SFSWAP: variants seen among roughly 807,000 people sequenced by gnomAD.
SFSWAP encodes splicing factor SWAP.
In SFSWAP, 17 loss-of-function variants were observed where a neutral mutation model predicts 100.7. The observed-to-expected ratio is 0.17, with a 90% CI of 0.12 to 0.25. The LOEUF (loss-of-function observed/expected upper bound fraction) is 0.25. Among genes scored for constraint, SFSWAP ranks in the 10% least tolerant of loss-of-function variants. The pLI is 1.00. For synonymous variants in SFSWAP, 504 were observed against 510.1 expected (o/e 0.99, Z 0.16); for missense variants, 1,005 against 1,262.6 (o/e 0.80, Z 3.09).
rs1324855015 is a variant in SFSWAP, at chr12:131,711,787, C to T, written c.218+340C>T. 3.8e-6 allele frequency: 1 copy of T among 266,620 alleles called. No individual in the cohort carries two copies. Among genetic ancestry groups the T allele is most frequent in the Non-Finnish European group, 7.3e-6 (1 of 136,622 alleles). The allele number at this position is 266,620 out of a possible 1,614,324, so 16.5% of individuals were successfully genotyped here. A position where few individuals can be genotyped will look rare whatever the true frequency, so the allele number is the denominator to read the frequency against. ...TGCCCAGGGTCTTTTCCTGAGTGCACCTGGGCCTGCCGCCCGGCGATGCCA... is the reference window on the plus strand; with the variant it reads ...TGCCCAGGGTCTTTTCCTGAGTGCATCTGGGCCTGCCGCCCGGCGATGCCA... On this transcript the variant is annotated intron_variant, in intron 1 of 17. Transcript: ENST00000261674. This position sits in a 1 kb window ranked among gnomAD's most constrained non-coding sequence, Gnocchi z 4.9.
chr12:131,740,018 G>A (rs1216654206), intron 7 of SFSWAP, among the ~76,000 whole-genome samples: 1 of 152,132 alleles, frequency 6.6e-6, no homozygotes, highest in Non-Finnish European at 1.5e-5. Context: ...GCCTGCCTTT[G>A]ACCTTTATGT....
intron 10 of SFSWAP, 37 bp from the exon 11 acceptor site, chr12:131,756,436 T>C: frequency 1.3e-6 from 2 of 1,595,548 alleles, no homozygotes; most frequent in South Asian, 2.2e-5. Context: ...TCTGTATAAT[T>C]TCCTGCTGAC....
At chr12:131,747,359 C>T (rs771804141) in intron 7 of SFSWAP, among the ~76,000 whole-genome samples, 15 of 152,152 alleles carry the variant, frequency 9.9e-5, no homozygotes, top group Non-Finnish European at 1.6e-4. Context: ...ATCATGGGGA[C>T]AGGGAGGCCT....
intron 15 of SFSWAP, among the ~76,000 whole-genome samples, chr12:131,791,732 A>T (rs2136277345): frequency 6.6e-6 from 1 of 152,290 alleles, no homozygotes; most frequent in African/African-American, 2.4e-5. Context: ...ACAGTGCAAG[A>T]CTCCGTCTCA....
chr12:131,729,748 T>G (rs1879327384), intron 7 of SFSWAP, among the ~76,000 whole-genome samples: 1 of 152,196 alleles, frequency 6.6e-6, no homozygotes, highest in Admixed American at 6.5e-5. Context: ...AACCACCTGC[T>G]GAGTCTGCTT....
intron 7 of SFSWAP, among the ~76,000 whole-genome samples, chr12:131,740,772 A>C (rs548964377): frequency 6.6e-6 from 1 of 152,018 alleles, no homozygotes; most frequent in Non-Finnish European, 1.5e-5. Context: ...GCTTTACAGC[A>C]GGGCCCCACA....
chr12:131,793,583 T>G (rs1397663117), intron 15 of SFSWAP, among the ~76,000 whole-genome samples: 1 of 152,064 alleles, frequency 6.6e-6, no homozygotes, highest in African/African-American at 2.4e-5. Flanking sequence ...ATGTAGAAAC[T>G]CCTCTGATAA....
chr12:131,729,471 T>A (rs1415999962), intron 7 of SFSWAP, among the ~76,000 whole-genome samples: 1 of 152,182 alleles, frequency 6.6e-6, no homozygotes, highest in Non-Finnish European at 1.5e-5. Flanking sequence ...ACTGCCACAC[T>A]CTAGCCTGGG....
At chr12:131,732,966 G>T (rs1445310877) in intron 7 of SFSWAP, among the ~76,000 whole-genome samples, 3 of 152,158 alleles carry the variant, frequency 2.0e-5, no homozygotes, top group Non-Finnish European at 4.4e-5. Flanking sequence ...AGTGTCCTTG[G>T]AGCACGTCAG....
At chr12:131,735,775 A>G (rs1879956518) in intron 7 of SFSWAP, among the ~76,000 whole-genome samples, 1 of 152,226 alleles carries the variant, frequency 6.6e-6, no homozygotes, top group African/African-American at 2.4e-5. Flanking sequence ...CAAGGACTTC[A>G]TGGTTACTTC....
At chr12:131,783,944 T>C (rs1286473730) in intron 14 of SFSWAP, 10 of 151,470 alleles carry the variant, frequency 6.6e-5, no homozygotes, top group African/African-American at 2.4e-4. Context: ...ACTGGGTTTC[T>C]ATTTTAGGTT....
At chr12:131,718,516 A>G (rs1878144729) in intron 3 of SFSWAP, among the ~76,000 whole-genome samples, 1 of 152,236 alleles carries the variant, frequency 6.6e-6, no homozygotes, top group Non-Finnish European at 1.5e-5. Context: ...TACGTTGTCT[A>G]CCACATAGTA....
chr12:131,751,072 G>A (rs114338133), intron 7 of SFSWAP, among the ~76,000 whole-genome samples: 9 of 151,938 alleles, frequency 5.9e-5, no homozygotes, highest in Admixed American at 2.0e-4. Flanking sequence ...TTAACACTTC[G>A]TTTTTATTTA....
rs984055517 is a variant in SFSWAP at position 131,770,120 on chromosome 12, C to T, written c.2142+3812C>T. On this transcript the variant is annotated intron_variant, in intron 13 of 17. Coordinates refer to ENST00000261674, the MANE Select transcript of SFSWAP (RefSeq NM_004592.4). Reference sequence around the variant, plus strand: ...AATTGCCATAAAGAAAATTCAAACTCGAAAATATTTTTAGCCTAAAACAAC... The same window carrying T: ...AATTGCCATAAAGAAAATTCAAACTTGAAAATATTTTTAGCCTAAAACAAC... 3.9e-5 allele frequency among the ~76,000 whole-genome samples: 6 copies of T among 152,308 alleles called. No individual in the cohort carries two copies. The South Asian group carries it at 8.3e-4, about 21-fold the overall frequency.
chr12:131,739,700 C>T (rs141418571), intron 7 of SFSWAP, among the ~76,000 whole-genome samples: 2,028 of 151,958 alleles, frequency 0.013, 41 homozygotes, highest in African/African-American at 0.045. Flanking sequence ...CGCCCGCCAC[C>T]ATGCCCGATT....
chr12:131,725,547 A>G lies in SFSWAP; in HGVS notation c.749A>G (p.Asn250Ser), dbSNP rs531380927. 2 of 1,613,808 alleles carry G rather than the reference A, an allele frequency of 1.2e-6. No homozygotes were observed. Among genetic ancestry groups the G allele is most frequent in the South Asian group, 2.2e-5 (2 of 91,052 alleles). ...FDFLRFDHYLNPYYKFIQKAM... is the reference protein window; with the variant it reads ...FDFLRFDHYLSPYYKFIQKAM... ...TTTCTGCGCTTCGACCACTACCTCA[A>G]CCCCTACTATAAGTTCATCCAGAAA... is the stretch of plus-strand genomic sequence containing the variant. Residue 250 changes from asparagine to serine, a missense_variant, in exon 5 of 18, where the codon AAC (asparagine) becomes AGC (serine). Asn to Ser is a conservative substitution (Grantham distance 46). Around this residue, in one of 7 missense-constraint regions of SFSWAP, gnomAD observed 237 missense variants for 337.0 expected, o/e 0.70. Transcript: ENST00000261674. The surrounding 1 kb of genome is among the most constrained non-coding windows in gnomAD (Gnocchi z 4.3).
At chr12:131,787,635 T>C (rs1356445712) in intron 15 of SFSWAP, among the ~76,000 whole-genome samples, 1 of 152,148 alleles carries the variant, frequency 6.6e-6, no homozygotes, top group Non-Finnish European at 1.5e-5. Context: ...GTCAGGACAC[T>C]CAGGGTCCCA....
Position 131,730,548 on chromosome 12 carries a change from T to G in SFSWAP, c.1081+2120T>G, listed in dbSNP as rs1347861193. Among the ~76,000 whole-genome samples, 1 of 152,176 alleles carries G rather than the reference T, an allele frequency of 6.6e-6. No homozygotes were observed. The highest frequency in any genetic ancestry group is 1.5e-5 in the Non-Finnish European group (1 of 68,028). On this transcript the variant is annotated intron_variant, in intron 7 of 17. Coordinates refer to ENST00000261674, the MANE Select transcript of SFSWAP (RefSeq NM_004592.4). The surrounding 1 kb of genome is among the most constrained non-coding windows in gnomAD (Gnocchi z 4.0). ...AGCATCCCCTGGTCTGGTGGGAATGTGATCTGAACTGAGGCATGCAGGGGT... is the reference window on the plus strand; with the variant it reads ...AGCATCCCCTGGTCTGGTGGGAATGGGATCTGAACTGAGGCATGCAGGGGT...
chr12:131,764,775 A>G, intron 12 of SFSWAP, 89 bp downstream of exon 12: 1 of 902,432 alleles, frequency 1.1e-6, no homozygotes, highest in Non-Finnish European at 1.7e-6. Flanking sequence ...CGAGGCTGCC[A>G]ACTAGAATCT....
Sources: allele counts gnomAD v4.1 joint callset (sites outside exome capture counted in the v4.1 genomes callset), GRCh38; gene constraint gnomAD v4.1.1; regional missense constraint gnomAD v4.1.1; non-coding constraint Gnocchi (gnomAD v3.1); transcripts MANE v1.5; gene names NCBI Gene and HGNC (gene_info 2026-07-23, HGNC 2026-07-21).